THRB: variants seen among roughly 807,000 people sequenced by gnomAD.
THRB encodes the protein nuclear receptor subfamily 1 group A member 2.
A neutral mutation model predicts 47.8 loss-of-function variants in THRB; 12 were observed. The ratio of observed to expected loss-of-function variants is 0.25; its 90% CI spans 0.16 to 0.41. The LOEUF (loss-of-function observed/expected upper bound fraction) is 0.41. Among genes scored for constraint, THRB ranks in the 10% least tolerant of loss-of-function variants. The probability of loss-of-function intolerance (pLI) is 1.00; values close to 1 mark genes in which losing one functional copy is unlikely to be tolerated. For missense variants in THRB, 348 were observed against 589.2 expected (o/e 0.59, Z 4.24); for synonymous variants, 218 against 212.2 (o/e 1.03, Z -0.24).
At chr3:24,428,767 G>A in intron 1 of THRB, among the ~76,000 whole-genome samples, 1 of 151,734 alleles carries the variant, frequency 6.6e-6, no homozygotes, top group East Asian at 1.9e-4. Context: ...GAGAAACAAT[G>A]TCTCTCCTTG....
At chr3:24,306,450 T>C (rs2057342691) in intron 2 of THRB, among the ~76,000 whole-genome samples, 1 of 152,202 alleles carries the variant, frequency 6.6e-6, no homozygotes. Context: ...GTCATAAATA[T>C]AGATTCCCTG....
intron 3 of THRB, among the ~76,000 whole-genome samples, chr3:24,256,044 C>T (rs2051243796): frequency 6.6e-6 from 1 of 152,080 alleles, no homozygotes; most frequent in South Asian, 2.1e-4. Context: ...ATTGAAAAGT[C>T]AGGAAGAAAC....
At chr3:24,412,482 G>T (rs1339381862) in intron 1 of THRB, among the ~76,000 whole-genome samples, 2 of 151,774 alleles carry the variant, frequency 1.3e-5, no homozygotes, top group Non-Finnish European at 2.9e-5. Flanking sequence ...TTTGGAAAAA[G>T]TTATCTCACT....
At chr3:24,482,538 C>CTCTCTCT (rs1696624544) in intron 1 of THRB, among the ~76,000 whole-genome samples, 11 of 130,988 alleles carry the variant, frequency 8.4e-5, no homozygotes, top group African/African-American at 3.3e-4. Context: ...TTTCTGTCTC[C>CTCTCTCT]CTCTCTCTCT....
At chr3:24,356,116 C>T (rs1441835631) in intron 1 of THRB, among the ~76,000 whole-genome samples, 3 of 152,108 alleles carry the variant, frequency 2.0e-5, no homozygotes, top group Non-Finnish European at 4.4e-5. Flanking sequence ...CCATTCCAAA[C>T]AGAACTAGGA....
At chr3:24,289,428 C>T (rs1182548095) in intron 3 of THRB, among the ~76,000 whole-genome samples, 3 of 152,100 alleles carry the variant, frequency 2.0e-5, no homozygotes, top group Admixed American at 2.0e-4. Flanking sequence ...TATAGTTTTC[C>T]CTTCAAAGAG....
At chr3:24,438,506 G>GGTGTGTGTGT (rs145050133) in intron 1 of THRB, among the ~76,000 whole-genome samples, 5,231 of 145,908 alleles carry the variant, frequency 0.036, 101 homozygotes, top group Admixed American at 0.063. Flanking sequence ...AGAACAAAAA[G>GGTGTGTGTGT]GTGTGTGTGT....
intron 1 of THRB, among the ~76,000 whole-genome samples, chr3:24,449,148 GA>G (rs1004305479): frequency 1.3e-5 from 2 of 152,166 alleles, no homozygotes; most frequent in African/African-American, 4.8e-5. Flanking sequence ...CAGTTCTTCA[GA>G]AATGATTATT....
At chr3:24,399,215 C>T (rs890382767) in intron 1 of THRB, among the ~76,000 whole-genome samples, 2 of 147,464 alleles carry the variant, frequency 1.4e-5, no homozygotes, top group African/African-American at 5.0e-5. Context: ...TACCCTAGAA[C>T]ATAAAGTATA....
At chr3:24,328,642 T>G (rs1429361512) in intron 2 of THRB, among the ~76,000 whole-genome samples, 1 of 152,204 alleles carries the variant, frequency 6.6e-6, no homozygotes, top group Non-Finnish European at 1.5e-5. Context: ...TAATGTTTCT[T>G]GAATACATCC....
At chr3:24,280,867 C>A (rs547247026) in intron 3 of THRB, among the ~76,000 whole-genome samples, 1 of 151,792 alleles carries the variant, frequency 6.6e-6, no homozygotes, top group African/African-American at 2.4e-5. Flanking sequence ...TGAAATGAAG[C>A]GAGAAGGGAA....
chr3:24,309,838 T>C (rs1215986979), intron 2 of THRB, among the ~76,000 whole-genome samples: 1 of 152,156 alleles, frequency 6.6e-6, no homozygotes, highest in Non-Finnish European at 1.5e-5. Flanking sequence ...TATAAACTTG[T>C]AAAATACGTA....
At chr3:24,159,991 T>G (rs913389770) in intron 5 of THRB, among the ~76,000 whole-genome samples, 1 of 152,158 alleles carries the variant, frequency 6.6e-6, no homozygotes, top group African/African-American at 2.4e-5. Context: ...ATATCTGCCT[T>G]TGAAGGCAGG....
At chr3:24,278,824 T>C (rs563944643) in intron 3 of THRB, among the ~76,000 whole-genome samples, 2 of 152,160 alleles carry the variant, frequency 1.3e-5, no homozygotes, top group Non-Finnish European at 2.9e-5. Flanking sequence ...ATTCATTCCT[T>C]ACATTTATAT....
chr3:24,321,258 C>G (rs1190775951), intron 2 of THRB, among the ~76,000 whole-genome samples: 1 of 152,112 alleles, frequency 6.6e-6, no homozygotes, highest in African/African-American at 2.4e-5. Context: ...CCACTTCATT[C>G]CTGCATCCAT....
At chr3:24,363,213 C>T (rs1464244398) in intron 1 of THRB, among the ~76,000 whole-genome samples, 1 of 152,032 alleles carries the variant, frequency 6.6e-6, no homozygotes, top group Non-Finnish European at 1.5e-5. Flanking sequence ...TCTTAAATCG[C>T]CTAAGACATT....
chr3:24,453,588 A>C (rs1323479691), intron 1 of THRB, among the ~76,000 whole-genome samples: 3 of 152,168 alleles, frequency 2.0e-5, no homozygotes, highest in Non-Finnish European at 4.4e-5. Flanking sequence ...ATTTTCACAC[A>C]TCAATCTTCA....
chr3:24,118,989 T>G lies in THRB; in HGVS notation c.*3895A>C, dbSNP rs1469686402. 10 of 148,768 alleles carry G rather than the reference T, an allele frequency of 6.7e-5. No individual in the cohort carries two copies. Among genetic ancestry groups the G allele is most frequent in the Non-Finnish European group, 1.3e-4 (9 of 67,154 alleles). The allele number at this position is 148,768 out of a possible 1,614,324, so 9.2% of individuals were successfully genotyped here. ...CCCAGTCTGGTTTTTTTTTTTTTTT[T>G]TTTTTTTTTTTTTTGAGTGTGTTTT... On this transcript the variant is annotated 3_prime_UTR_variant, in exon 11 of 11. Transcript: ENST00000646209.
At chr3:24,235,194 G>C (rs2048731985) in intron 3 of THRB, among the ~76,000 whole-genome samples, 1 of 152,146 alleles carries the variant, frequency 6.6e-6, no homozygotes, top group Non-Finnish European at 1.5e-5. Flanking sequence ...AGGTCACAAG[G>C]CTAGACCAGT....
Sources: gnomAD v4.1 joint callset for allele counts (sites outside exome capture counted in the v4.1 genomes callset) on GRCh38, gnomAD v4.1.1 for gene constraint, MANE v1.5 for transcripts, NCBI Gene and HGNC (gene_info 2026-07-23, HGNC 2026-07-21) for gene names.